The following MANBA variants were observed in gnomAD, a reference collection of about 807,000 sequenced individuals.
The protein encoded by MANBA is mannosidase beta, also known as beta-mannosidase.
A neutral mutation model predicts 111.1 loss-of-function variants in MANBA; 83 were observed. The ratio of observed to expected loss-of-function variants is 0.75; its 90% confidence interval spans 0.63 to 0.90. MANBA has a LOEUF of 0.90. MANBA is among the 40% of genes least tolerant of loss of function. The probability of loss-of-function intolerance (pLI) is 0.00; values close to 1 mark genes in which losing one functional copy is unlikely to be tolerated. For synonymous variants in MANBA, 370 were observed against 378.7 expected (o/e 0.98, Z 0.27); for missense variants, 1,036 against 1,069.0 (o/e 0.97, Z 0.43).
At chr4:102,721,320 T>C (rs1184079216) in intron 4 of MANBA, among the ~76,000 whole-genome samples, 4 of 146,216 alleles carry the variant, frequency 2.7e-5, no homozygotes, top group Non-Finnish European at 5.9e-5. Context: ...CAAGACTCCA[T>C]CTCAAATACA....
chr4:102,664,563 C>T (rs1731127190), intron 11 of MANBA, 122 bp downstream of exon 11: 1 of 845,394 alleles, frequency 1.2e-6, no homozygotes, highest in Non-Finnish European at 2.0e-6. Flanking sequence ...TGGTCTCGAT[C>T]TCCTGACCTT....
chr4:102,725,192 A>C (rs1722747217), intron 2 of MANBA, among the ~76,000 whole-genome samples: 1 of 152,184 alleles, frequency 6.6e-6, no homozygotes. Context: ...TGTAACTGTA[A>C]GTATACTAAA....
In MANBA at chr4:102,653,220, G is replaced by GCACA. The variant is rs71596357; in HGVS notation, c.1705-2523_1705-2520dup. Among the ~76,000 whole-genome samples the GCACA allele has an allele frequency of 2.4e-3, 353 of 145,594 alleles. 3 individuals carry two copies. The highest frequency in any genetic ancestry group is 5.5e-3 in the East Asian group (27 of 4,924). On this transcript the variant is annotated intron_variant, in intron 12 of 16. Transcript: ENST00000647097. Reference sequence around the variant, plus strand: ...CACACGCGCATATGCAGATCTACATGCACACACACACACACACACACACAC... The same window carrying GCACA: ...CACACGCGCATATGCAGATCTACATGCACACACACACACACACACACACACACAC...
intron 5 of MANBA, among the ~76,000 whole-genome samples, chr4:102,709,435 GA>G (rs34521007): frequency 7.9e-6 from 1 of 127,024 alleles, no homozygotes; most frequent in Non-Finnish European, 1.6e-5. Context: ...GAGAGAGAGA[GA>G]AAGGAAGGAA....
chr4:102,724,378 C>A (rs1300499647), intron 2 of MANBA, among the ~76,000 whole-genome samples: 1 of 152,038 alleles, frequency 6.6e-6, no homozygotes, highest in African/African-American at 2.4e-5. Context: ...GCCAACATGG[C>A]GAAACCCTGT....
At chr4:102,698,864 T>C (rs1252822166) in intron 5 of MANBA, among the ~76,000 whole-genome samples, 1 of 151,878 alleles carries the variant, frequency 6.6e-6, no homozygotes, top group African/African-American at 2.4e-5. Flanking sequence ...CCATATGAAC[T>C]TTAAAGTAGT....
intron 10 of MANBA, chr4:102,667,537 C>T (rs1284659776): frequency 6.6e-6 from 1 of 152,102 alleles, no homozygotes; most frequent in East Asian, 1.9e-4. Flanking sequence ...GTTAGTGTGA[C>T]AGCTGCTATT....
At chr4:102,736,047 TAA>T (rs1723203925) in intron 1 of MANBA, among the ~76,000 whole-genome samples, 1 of 152,178 alleles carries the variant, frequency 6.6e-6, no homozygotes, top group African/African-American at 2.4e-5. Flanking sequence ...TAATAATAGT[TAA>T]AAGTTACTGC....
intron 10 of MANBA, chr4:102,666,979 ACATCTG>A (rs1276607530): frequency 6.6e-6 from 1 of 152,206 alleles, no homozygotes; most frequent in Non-Finnish European, 1.5e-5. Context: ...CACAAAATAT[ACATCTG>A]CAGACACTAT....
chr4:102,731,913 CT>C (rs11445346), intron 1 of MANBA, among the ~76,000 whole-genome samples: 2,006 of 146,574 alleles, frequency 0.014, 24 homozygotes, highest in Non-Finnish European at 0.019. Flanking sequence ...TCTTTTTACA[CT>C]TTTTTTTTTT....
chr4:102,656,311 A>T (rs748904405), intron 12 of MANBA, among the ~76,000 whole-genome samples: 13 of 152,126 alleles, frequency 8.5e-5, no homozygotes, highest in Admixed American at 2.6e-4. Context: ...AGGAAGATAT[A>T]CAAATGGCCA....
chr4:102,688,386 TACACACACACACAC>T (rs70937563), intron 7 of MANBA, among the ~76,000 whole-genome samples: 1 of 140,472 alleles, frequency 7.1e-6, no homozygotes, highest in African/African-American at 2.6e-5. Context: ...CCTCCCCCCT[TACACACACACACAC>T]ACACACACAC....
Position 102,690,537 on chromosome 4 carries a change from T to C in MANBA, c.849+59A>G. The C allele has an allele frequency of 2.0e-6, 3 of 1,510,080 alleles. No homozygotes were observed. In the South Asian group the frequency reaches 3.4e-5, roughly 17 times the overall value. The allele number at this position is 1,510,080 out of a possible 1,614,324, so 93.5% of individuals were successfully genotyped here. A position where few individuals can be genotyped will look rare whatever the true frequency, so the allele number is the denominator to read the frequency against. ...ATACTTAGTCCCTCCTTTCTAATCATTTCTTTAGCACAGGTATTGCTTTTC... is the reference window on the plus strand; with the variant it reads ...ATACTTAGTCCCTCCTTTCTAATCACTTCTTTAGCACAGGTATTGCTTTTC... On this transcript the variant is annotated intron_variant, in intron 6 of 16. Transcript: ENST00000647097.
chr4:102,674,100 T>C (rs1185864299), intron 7 of MANBA, 30 bp from the exon 8 acceptor site: 9 of 1,537,414 alleles, frequency 5.9e-6, no homozygotes, highest in South Asian at 2.3e-5. Flanking sequence ...ATGATGAATA[T>C]CAAATTTAAA....
chr4:102,706,576 A>T (rs1733306933), intron 5 of MANBA, among the ~76,000 whole-genome samples: 2 of 152,256 alleles, frequency 1.3e-5, no homozygotes, highest in African/African-American at 4.8e-5. Context: ...GACACTTTCA[A>T]AGGAACACAA....
At chr4:102,728,366 A>G (rs1235494392) in intron 1 of MANBA, 9 of 527,748 alleles carry the variant, frequency 1.7e-5, no homozygotes, top group Non-Finnish European at 3.1e-5. Flanking sequence ...GCTTTTGCCT[A>G]CACTTTGAAT....
intron 1 of MANBA, chr4:102,727,591 C>T: frequency 6.2e-7 from 1 of 1,605,798 alleles, no homozygotes; most frequent in South Asian, 1.1e-5. Context: ...GTAATTGAAG[C>T]TTTTGGGCTC....
intron 11 of MANBA, among the ~76,000 whole-genome samples, chr4:102,661,285 T>C (rs1311086057): frequency 1.3e-5 from 2 of 152,230 alleles, no homozygotes; most frequent in Non-Finnish European, 2.9e-5. Flanking sequence ...TTCTGCCACA[T>C]AGTTCCCAGC....
chr4:102,754,002 CAAAAA>C, intron 1 of MANBA: 40 of 175,850 alleles, frequency 2.3e-4, no homozygotes, highest in South Asian at 4.6e-4. Flanking sequence ...GACTCTGTCT[CAAAAA>C]AAAAAAAAAA....
Sources: gnomAD v4.1 joint callset for allele counts (sites outside exome capture counted in the v4.1 genomes callset) on GRCh38, gnomAD v4.1.1 for gene constraint, MANE v1.5 for transcripts, NCBI Gene and HGNC (gene_info 2026-07-23, HGNC 2026-07-21) for gene names.